Variants in NAA16 observed in about 807,000 individuals in gnomAD.
NAA16 encodes the protein NARG1-like protein.
Under a neutral mutation model 110.3 loss-of-function variants are expected in NAA16, and 97 were observed. The observed-to-expected ratio is 0.88, with a 90% CI of 0.75 to 1.04. The LOEUF is 1.04. NAA16 is among the 50% of genes least tolerant of loss of function. The pLI is 0.00. For synonymous variants in NAA16, 372 were observed against 330.6 expected (o/e 1.13, Z -1.36); for missense variants, 1,017 against 1,005.1 (o/e 1.01, Z -0.16).
chr13:41,336,192 A>G (rs1163707987), intron 8 of NAA16, among the ~76,000 whole-genome samples: 3 of 151,856 alleles, frequency 2.0e-5, no homozygotes, highest in African/African-American at 7.3e-5. Flanking sequence ...TTAAATTTTA[A>G]TCACTGCTAT....
chr13:41,330,013 A>G (rs1314537637), intron 7 of NAA16, among the ~76,000 whole-genome samples: 1 of 77,650 alleles, frequency 1.3e-5, no homozygotes, highest in Non-Finnish European at 2.4e-5. Flanking sequence ...TGTTATATCT[A>G]GGGTAGTGGA....
At chr13:41,327,284 T>C (rs2042118948) in intron 6 of NAA16, among the ~76,000 whole-genome samples, 1 of 152,156 alleles carries the variant, frequency 6.6e-6, no homozygotes, top group Non-Finnish European at 1.5e-5. Context: ...CTTGTTCTGT[T>C]ACTTATTGAT....
At chr13:41,357,366 T>G (rs2043012958) in intron 10 of NAA16, among the ~76,000 whole-genome samples, 1 of 23,726 alleles carries the variant, frequency 4.2e-5, no homozygotes, top group South Asian at 3.7e-3. Context: ...AGATCCCTTG[T>G]TGATTCTAAT....
At chr13:41,356,170 TGCATACGCGC>T (rs1317761475) in intron 10 of NAA16, among the ~76,000 whole-genome samples, 6 of 151,614 alleles carry the variant, frequency 4.0e-5, no homozygotes, top group African/African-American at 9.8e-5. Flanking sequence ...TGTGTGTGTG[TGCATACGCGC>T]GCACACGCGG....
intron 16 of NAA16, 106 bp from the exon 17 acceptor site, chr13:41,372,626 T>C: frequency 3.0e-6 from 4 of 1,336,326 alleles, no homozygotes; most frequent in Non-Finnish European, 3.8e-6. Flanking sequence ...ACGAGTGTTA[T>C]AAAAAAGGTA....
intron 8 of NAA16, 107 bp from the exon 9 acceptor site, chr13:41,336,543 G>T (rs1161243490): frequency 3.2e-6 from 2 of 626,160 alleles, no homozygotes; most frequent in Admixed American, 6.5e-5. Context: ...TTTATAAATT[G>T]GATAGGAGCA....
chr13:41,336,843 AAT>A, intron 9 of NAA16, 87 bp downstream of exon 9: 1 of 707,946 alleles, frequency 1.4e-6, no homozygotes, highest in Non-Finnish European at 2.3e-6. Flanking sequence ...GCTATTACTT[AAT>A]CATTTTCTTT....
At chr13:41,357,527 A>G (rs1028242493) in intron 10 of NAA16, among the ~76,000 whole-genome samples, 3 of 152,220 alleles carry the variant, frequency 2.0e-5, no homozygotes, top group African/African-American at 7.2e-5. Flanking sequence ...AATGTGTGCT[A>G]TAGTATGTTT....
rs781454451 is a variant in NAA16, at chr13:41,331,400, T to G, written c.907+31T>G. The G allele has an allele frequency of 2.9e-6, 4 of 1,391,626 alleles. No homozygotes were observed. The South Asian group carries it at 3.7e-5, about 13-fold the overall frequency. The allele number at this position is 1,391,626 out of a possible 1,614,324, so 86.2% of individuals were successfully genotyped here. On this transcript the variant is annotated intron_variant, in intron 8 of 19. Coordinates refer to ENST00000379406, the MANE Select transcript of NAA16 (RefSeq NM_024561.5). ...ATTAAGATGTCTTTTATAATATTAA[T>G]TATTTGTCAGAATTACTCAATGTTA...
intron 9 of NAA16, among the ~76,000 whole-genome samples, chr13:41,352,902 T>C (rs573604573): frequency 5.3e-5 from 8 of 152,292 alleles, no homozygotes; most frequent in African/African-American, 1.9e-4. Flanking sequence ...GTGGTACCCT[T>C]TATTGTTAAA....
Position 41,373,792 on chromosome 13 carries a change from G to A in NAA16, c.2299+12G>A. ...GCATCTACTTTCAGGTTTGTTTGTA[G>A]CCCCCAGGGTTAAAATACTTATGGA... On this transcript the variant is annotated intron_variant, in intron 18 of 19. Coordinates refer to ENST00000379406, the MANE Select transcript of NAA16 (RefSeq NM_024561.5). The A allele has an allele frequency of 6.3e-7, 1 of 1,582,972 alleles. No individual in the cohort carries two copies. The highest frequency in any genetic ancestry group is 8.5e-7 in the Non-Finnish European group (1 of 1,169,640).
rs571621992 is a variant in NAA16, at chr13:41,337,956, AAAAAAAAC to A, written c.1014+1209_1014+1216del. On this transcript the variant is annotated intron_variant, in intron 9 of 19. Coordinates refer to ENST00000379406, the MANE Select transcript of NAA16 (RefSeq NM_024561.5). ...GTTAGAAAAAAACATCATTTATGTT[AAAAAAAAC>A]AAAAAAACCCAAAAAACCCTTACAA... Among the ~76,000 whole-genome samples, 59 of 150,116 alleles carry A rather than the reference AAAAAAAAC, an allele frequency of 3.9e-4. 1 individual carries two copies. In the South Asian group the frequency reaches 0.012, roughly 31 times the overall value.
At chr13:41,374,054 C>A (rs1342108869) in intron 18 of NAA16, among the ~76,000 whole-genome samples, 16 of 151,910 alleles carry the variant, frequency 1.1e-4, no homozygotes, top group African/African-American at 3.6e-4. Context: ...ACAATATAAT[C>A]TCAACTATGC....
chr13:41,335,935 G>T (rs1329267874), intron 8 of NAA16, among the ~76,000 whole-genome samples: 1 of 150,586 alleles, frequency 6.6e-6, no homozygotes, highest in African/African-American at 2.4e-5. Context: ...AAAAATTCTT[G>T]TATCTTTGTA....
rs2043125252 is a variant in NAA16 at position 41,362,163 on chromosome 13, AGTT to A, written c.1539+8_1539+10del. 1.9e-6 allele frequency: 3 copies of A among 1,589,242 alleles called. No homozygotes were observed. The highest frequency in any genetic ancestry group is 2.7e-5 in the African/African-American group (2 of 73,112). Reference sequence around the variant, plus strand: ...AAAATGTCATGAAGTAGAAAGGGTAAGTTGTTAGAATTTCGACTTCAGTTTTCA... The same window carrying A: ...AAAATGTCATGAAGTAGAAAGGGTAAGTTAGAATTTCGACTTCAGTTTTCA... On this transcript the variant is annotated splice_donor_5th_base_variant and intron_variant, in intron 13 of 19. Coordinates refer to ENST00000379406, the MANE Select transcript of NAA16 (RefSeq NM_024561.5).
At chr13:41,316,722 A>T (rs1328078748) in intron 1 of NAA16, 124 bp from the exon 2 acceptor site, 1 of 634,266 alleles carries the variant, frequency 1.6e-6, no homozygotes, top group Non-Finnish European at 2.9e-6. Context: ...TTTGTAAGTG[A>T]TATCCTTTCT....
chr13:41,325,625 G>GGCAGTTTAA (rs1485382969), intron 5 of NAA16, 73 bp from the exon 6 acceptor site: 2 of 918,948 alleles, frequency 2.2e-6, no homozygotes, highest in African/African-American at 3.4e-5. Flanking sequence ...CTCCTGAGAA[G>GGCAGTTTAA]GCAGTTTAAT....
At chr13:41,348,821 C>T (rs1323478286) in intron 9 of NAA16, among the ~76,000 whole-genome samples, 1 of 152,104 alleles carries the variant, frequency 6.6e-6, no homozygotes, top group Admixed American at 6.6e-5. Flanking sequence ...TGTATTCAAA[C>T]TCTTCATTAC....
At chr13:41,323,641 C>G in intron 5 of NAA16, among the ~76,000 whole-genome samples, 1 of 151,748 alleles carries the variant, frequency 6.6e-6, no homozygotes, top group East Asian at 1.9e-4. Context: ...CGTGAGCCAC[C>G]GCGCCCGGCC....
Sources: gnomAD v4.1 joint callset for allele counts (sites outside exome capture counted in the v4.1 genomes callset) on GRCh38, gnomAD v4.1.1 for gene constraint, MANE v1.5 for transcripts, NCBI Gene and HGNC (gene_info 2026-07-23, HGNC 2026-07-21) for gene names.